The following ARMC2 variants were observed in gnomAD, a reference collection of about 807,000 sequenced individuals.
ARMC2 encodes armadillo repeat-containing protein 2.
A neutral mutation model predicts 90.3 loss-of-function variants in ARMC2; 67 were observed. The observed-to-expected ratio is 0.74, with a 90% confidence interval of 0.61 to 0.91. ARMC2 has a LOEUF of 0.91. ARMC2 is among the 40% of genes least tolerant of loss of function. The pLI is 0.00. For synonymous variants in ARMC2, 393 were observed against 393.0 expected (o/e 1.00, Z 0.00); for missense variants, 920 against 1,030.9 (o/e 0.89, Z 1.47).
At chr6:108,955,802 A>T (rs1777537233) in intron 13 of ARMC2, among the ~76,000 whole-genome samples, 1 of 152,200 alleles carries the variant, frequency 6.6e-6, no homozygotes, top group Non-Finnish European at 1.5e-5. Context: ...TAGCATGCCC[A>T]TGTCTGCTGA....
At chr6:108,964,576 G>A (rs1778226712) in intron 16 of ARMC2, among the ~76,000 whole-genome samples, 1 of 152,090 alleles carries the variant, frequency 6.6e-6, no homozygotes, top group Admixed American at 6.5e-5. Flanking sequence ...GAGTTCGAGA[G>A]CAGCCTGGCC....
the ARMC2 span, among the ~76,000 whole-genome samples, chr6:109,041,410 A>AT: frequency 6.6e-6 from 1 of 152,218 alleles, no homozygotes; most frequent in Non-Finnish European, 1.5e-5. Context: ...AATCTACCAA[A>AT]CATACTTGTA....
At chr6:108,914,158 CTGTG>C (rs1196001544) in intron 10 of ARMC2, among the ~76,000 whole-genome samples, 4 of 151,850 alleles carry the variant, frequency 2.6e-5, no homozygotes, top group Non-Finnish European at 4.4e-5. Flanking sequence ...GTGTGTATGT[CTGTG>C]TGTGTGTATG....
the ARMC2 span, among the ~76,000 whole-genome samples, chr6:109,020,928 A>G: frequency 4.5e-4 from 68 of 152,340 alleles, no homozygotes; most frequent in Non-Finnish European, 8.8e-4. Flanking sequence ...TCCCTAAAAA[A>G]GGAATTAAAG....
intron 11 of ARMC2, among the ~76,000 whole-genome samples, chr6:108,933,812 T>C (rs1775766173): frequency 6.6e-6 from 1 of 152,294 alleles, no homozygotes; most frequent in African/African-American, 2.4e-5. Context: ...TTGTCATAGA[T>C]GGCACTTATT....
the ARMC2 span, among the ~76,000 whole-genome samples, chr6:108,989,860 TTTCAGTGGAAAGGGGAC>T: frequency 6.6e-6 from 1 of 152,132 alleles, no homozygotes; most frequent in South Asian, 2.1e-4. Context: ...CCTATTGAGT[TTTCAGTGGAAAGGGGAC>T]AAAGGTCTTG....
intron 11 of ARMC2, among the ~76,000 whole-genome samples, chr6:108,932,516 CTTTTTTTTTTTTTTTT>C (rs60000198): frequency 1.7e-4 from 13 of 77,894 alleles, no homozygotes; most frequent in Non-Finnish European, 2.3e-4. Context: ...TTCTCCATTG[CTTTTTTTTTTTTTTTT>C]TTTTTTTTTT....
chr6:109,032,606 A>G, the ARMC2 span, among the ~76,000 whole-genome samples: 1 of 147,788 alleles, frequency 6.8e-6, no homozygotes, highest in South Asian at 2.1e-4. Flanking sequence ...TGACAGAGCA[A>G]GACTTCATCT....
chr6:108,922,075 G>A (rs893139871), intron 10 of ARMC2, among the ~76,000 whole-genome samples: 8 of 152,152 alleles, frequency 5.3e-5, no homozygotes, highest in African/African-American at 1.7e-4. Context: ...GTTCCTTGAG[G>A]ACAGAGTACT....
At chr6:108,888,122 A>C (rs533727972) in intron 5 of ARMC2, among the ~76,000 whole-genome samples, 1 of 152,142 alleles carries the variant, frequency 6.6e-6, no homozygotes, top group African/African-American at 2.4e-5. Context: ...TTTAAAAGGG[A>C]TCCAGACAAG....
chr6:108,879,125 C>T (rs551086607), intron 5 of ARMC2, among the ~76,000 whole-genome samples: 1 of 151,466 alleles, frequency 6.6e-6, no homozygotes, highest in Admixed American at 6.6e-5. Flanking sequence ...TCCATCCATC[C>T]ATCCATCCGC....
the ARMC2 span, among the ~76,000 whole-genome samples, chr6:109,044,311 C>CAAAAAAAAAAAA: frequency 3.5e-5 from 1 of 28,458 alleles, no homozygotes; most frequent in Non-Finnish European, 5.4e-5. Flanking sequence ...GAACTTGCCT[C>CAAAAAAAAAAAA]AAAAAAAAAA....
chr6:108,974,864 C>T (rs1252767225), downstream of ARMC2, among the ~76,000 whole-genome samples: 1 of 152,068 alleles, frequency 6.6e-6, no homozygotes, highest in Admixed American at 6.6e-5. Flanking sequence ...CACCTGAGGT[C>T]GTGAGTTCGA....
At chr6:108,907,196 G>C (rs953967500) in intron 8 of ARMC2, among the ~76,000 whole-genome samples, 12 of 151,532 alleles carry the variant, frequency 7.9e-5, no homozygotes, top group African/African-American at 2.9e-4. Flanking sequence ...GTTTTGTTTT[G>C]TTTTCCTTTG....
intron 5 of ARMC2, among the ~76,000 whole-genome samples, chr6:108,893,969 A>T (rs1436836677): frequency 6.6e-6 from 1 of 152,208 alleles, no homozygotes; most frequent in African/African-American, 2.4e-5. Flanking sequence ...TAGCCTGAGC[A>T]ACAGGGCAAG....
chr6:108,890,218 A>AACAAAAAAAC (rs1554243249), intron 5 of ARMC2, among the ~76,000 whole-genome samples: 1 of 116,568 alleles, frequency 8.6e-6, no homozygotes, highest in Non-Finnish European at 1.7e-5. Context: ...AAAAAAAAAA[A>AACAAAAAAAC]AAAAAAAAAA....
the ARMC2 span, among the ~76,000 whole-genome samples, chr6:109,017,988 G>A: frequency 2.0e-5 from 3 of 152,154 alleles, no homozygotes; most frequent in South Asian, 2.1e-4. Flanking sequence ...GCAACATGGC[G>A]AGAACCCTGT....
At chr6:108,971,893 C>G (rs972768031) in intron 17 of ARMC2, among the ~76,000 whole-genome samples, 2 of 150,820 alleles carry the variant, frequency 1.3e-5, no homozygotes, top group Non-Finnish European at 2.9e-5. Flanking sequence ...TGCACTCCAG[C>G]CTGGGTGACA....
chr6:108,925,909 T>A (rs1387393473), intron 10 of ARMC2, among the ~76,000 whole-genome samples: 1 of 152,212 alleles, frequency 6.6e-6, no homozygotes, highest in Non-Finnish European at 1.5e-5. Context: ...AATGTGGGCT[T>A]TCTCTCCTGA....
Sources: allele counts gnomAD v4.1 joint callset (sites outside exome capture counted in the v4.1 genomes callset), GRCh38; gene constraint gnomAD v4.1.1; transcripts MANE v1.5; gene names NCBI Gene and HGNC (gene_info 2026-07-23, HGNC 2026-07-21).